Variants in SH3D19 observed in about 807,000 individuals in gnomAD.
The protein encoded by SH3D19 is SH3 domain-containing protein 19.
A neutral mutation model predicts 112.1 loss-of-function variants in SH3D19; 58 were observed. The observed-to-expected ratio is 0.52, with a 90% confidence interval of 0.42 to 0.64. The LOEUF (loss-of-function observed/expected upper bound fraction) is 0.64. SH3D19 is among the 30% of genes least tolerant of loss of function. The pLI, the probability that SH3D19 is intolerant of heterozygous loss-of-function variation, is 0.00. For synonymous variants in SH3D19, 391 were observed against 448.5 expected, an observed-to-expected ratio of 0.87 and a Z score of 1.62; for missense variants, 1,090 against 1,263.4, an observed-to-expected ratio of 0.86 and a Z score of 2.08.
At chr4:151,258,189 C>T (rs551786755) in intron 1 of SH3D19, among the ~76,000 whole-genome samples, 2 of 152,176 alleles carry the variant, frequency 1.3e-5, no homozygotes, top group Admixed American at 1.3e-4. Context: ...ACACAATATC[C>T]TTAACACAAC....
At chr4:151,300,098 G>A (rs1322450987) in intron 1 of SH3D19, among the ~76,000 whole-genome samples, 1 of 152,074 alleles carries the variant, frequency 6.6e-6, no homozygotes, top group Non-Finnish European at 1.5e-5. Flanking sequence ...CTACTCGGGA[G>A]GCTGAGGCAG....
At chr4:151,203,876 G>A (rs2149891651) in intron 2 of SH3D19, among the ~76,000 whole-genome samples, 1 of 152,240 alleles carries the variant, frequency 6.6e-6, no homozygotes, top group East Asian at 1.9e-4. Context: ...TGGTCACCAT[G>A]CTAATATTAA....
At chr4:151,197,956 T>G (rs1157426932) in intron 2 of SH3D19, among the ~76,000 whole-genome samples, 1 of 152,138 alleles carries the variant, frequency 6.6e-6, no homozygotes, top group Non-Finnish European at 1.5e-5. Context: ...AATACATAAA[T>G]TATTTAAATT....
At chr4:151,186,019 G>A (rs1293670075) in intron 3 of SH3D19, among the ~76,000 whole-genome samples, 1 of 152,222 alleles carries the variant, frequency 6.6e-6, no homozygotes, top group African/African-American at 2.4e-5. Flanking sequence ...CAGCCTGGGC[G>A]ACAGTGAGAG....
intron 11 of SH3D19, chr4:151,144,523 A>G: frequency 5.7e-6 from 3 of 527,220 alleles, no homozygotes; most frequent in Middle Eastern, 7.3e-4. Flanking sequence ...ATGGCCTAAC[A>G]TTCCCTTAAT....
At chr4:151,282,352 G>A in intron 1 of SH3D19, 1 of 1,613,888 alleles carries the variant, frequency 6.2e-7, no homozygotes, top group Non-Finnish European at 8.5e-7. Flanking sequence ...GTGTCACAAA[G>A]CAGTTGGCAA....
intron 1 of SH3D19, among the ~76,000 whole-genome samples, chr4:151,228,228 T>C (rs1439799430): frequency 6.6e-6 from 1 of 152,210 alleles, no homozygotes; most frequent in Non-Finnish European, 1.5e-5. Context: ...TTATCTGTGT[T>C]ACATTCCTGT....
At chr4:151,126,785 G>A (rs1348001313) in intron 19 of SH3D19, among the ~76,000 whole-genome samples, 6 of 133,716 alleles carry the variant, frequency 4.5e-5, no homozygotes, top group Admixed American at 8.4e-5. Flanking sequence ...GTGACAGAGC[G>A]AGACTCTGTC....
chr4:151,128,206 C>T lies in SH3D19; in HGVS notation c.2893G>A (p.Gly965Arg), dbSNP rs1217614673. ...CTCACAAACACTGCTGGGAAGATCC[C>T]CTCCCTGTCCTGCAGTCTGCCCCTG... The part of the protein sequence containing the change: ...WCRGRLQDRE[G>R]IFPAVFVRPC... Residue 965 changes from glycine to arginine, a missense_variant, in exon 18 of 20, where the codon GGG (glycine) becomes AGG (arginine). Coordinates refer to ENST00000604030, the MANE Select transcript of SH3D19 (RefSeq NM_001378122.1). 2 of 1,611,700 alleles carry T rather than the reference C, an allele frequency of 1.2e-6. No homozygotes were observed. Among genetic ancestry groups the T allele is most frequent in the Admixed American group, 1.7e-5 (1 of 59,670 alleles).
At chr4:151,227,671 G>T in intron 1 of SH3D19, 6 of 845,164 alleles carry the variant, frequency 7.1e-6, no homozygotes, top group Non-Finnish European at 8.5e-6. Flanking sequence ...TGCTAGCTTC[G>T]CTACAAAAAT....
intron 1 of SH3D19, among the ~76,000 whole-genome samples, chr4:151,293,414 T>C (rs1199367769): frequency 6.8e-6 from 1 of 146,294 alleles, no homozygotes. Flanking sequence ...CGGAGCTTGC[T>C]GTGAGCCGAG....
In SH3D19 at chr4:151,325,292, C is replaced by T; in HGVS notation, c.61G>A (p.Gly21Ser). 8.2e-7 allele frequency: 1 copy of T among 1,220,962 alleles called. No homozygotes were observed. The highest frequency in any genetic ancestry group is 1.0e-6 in the Non-Finnish European group (1 of 980,940). 75.6% of individuals were successfully genotyped at this position (1,220,962 alleles called of 1,614,324 possible). The change falls in exon 1 of 20, where the codon GGT (glycine) becomes AGT (serine). Residue 21 changes from glycine (G) to serine (S), a missense_variant. By Grantham distance (56) the Gly-to-Ser change is moderately conservative. Coordinates refer to ENST00000604030, the MANE Select transcript of SH3D19 (RefSeq NM_001378122.1). ...EEELRERREL[G>S]GQRRARGRAL... ...CGGCCCCGGGCGCGGCGCTGGCCAC[C>T]AAGTTCGCGGCGCTCGCGTAGCTCT...
chr4:151,276,604 C>G (rs2150002426), intron 1 of SH3D19, among the ~76,000 whole-genome samples: 1 of 152,272 alleles, frequency 6.6e-6, no homozygotes, highest in East Asian at 1.9e-4. Context: ...CAGTTCAACT[C>G]TCCCTCTAAC....
chr4:151,234,735 GTTTTTTTTTT>G (rs541665981), intron 1 of SH3D19, among the ~76,000 whole-genome samples: 1 of 25,080 alleles, frequency 4.0e-5, no homozygotes, highest in African/African-American at 9.3e-5. Context: ...CCAAGTTTGT[GTTTTTTTTTT>G]TTTTTTTTTT....
chr4:151,221,542 A>C (rs1404392926), intron 2 of SH3D19, among the ~76,000 whole-genome samples: 1 of 152,228 alleles, frequency 6.6e-6, no homozygotes, highest in Non-Finnish European at 1.5e-5. Flanking sequence ...GTTGTAACAC[A>C]CAGATCCAAT....
At chr4:151,295,428 C>T (rs186049829) in intron 1 of SH3D19, among the ~76,000 whole-genome samples, 59 of 152,276 alleles carry the variant, frequency 3.9e-4, no homozygotes, top group Middle Eastern at 3.4e-3. Flanking sequence ...GCTGTCTTAC[C>T]GTCCCCTATT....
At chr4:151,195,689 G>T (rs1763358718) in intron 2 of SH3D19, among the ~76,000 whole-genome samples, 1 of 151,502 alleles carries the variant, frequency 6.6e-6, no homozygotes, top group Admixed American at 6.6e-5. Context: ...TCCTTCTCAG[G>T]CCATATACAT....
chr4:151,184,339 C>T (rs1374355345), intron 3 of SH3D19, among the ~76,000 whole-genome samples: 1 of 152,092 alleles, frequency 6.6e-6, no homozygotes, highest in Admixed American at 6.5e-5. Flanking sequence ...AAATTATTTA[C>T]AGCTTTTTCT....
chr4:151,175,729 A>G, intron 6 of SH3D19, 55 bp from the exon 7 acceptor site: 1 of 1,231,188 alleles, frequency 8.1e-7, no homozygotes, highest in Admixed American at 4.1e-5. Context: ...AACGTTAACA[A>G]TGTATAAGGA....
Sources: allele counts gnomAD v4.1 joint callset (sites outside exome capture counted in the v4.1 genomes callset), GRCh38; gene constraint gnomAD v4.1.1; transcripts MANE v1.5; gene names NCBI Gene and HGNC (gene_info 2026-07-23, HGNC 2026-07-21).